The following EDARADD variants were observed in gnomAD, a reference collection of about 807,000 sequenced individuals.
EDARADD encodes the protein EDAR associated via death domain.
EDARADD carries 20 observed loss-of-function variants against 25.6 expected under a neutral mutation model. The ratio of observed to expected loss-of-function variants is 0.78; its 90% CI spans 0.55 to 1.14. The LOEUF (loss-of-function observed/expected upper bound fraction) is 1.14. Ranked by LOEUF, EDARADD falls within the 50% of genes most tolerant of loss-of-function variation. The pLI, the probability that EDARADD is intolerant of heterozygous loss-of-function variation, is 0.00. For missense variants in EDARADD, 225 were observed against 270.1 expected, an observed-to-expected ratio of 0.83 and a Z score of 1.17; for synonymous variants, 86 against 94.4, an observed-to-expected ratio of 0.91 and a Z score of 0.52.
chr1:236,411,951 G>A (rs1163145081), intron 2 of EDARADD, among the ~76,000 whole-genome samples: 2 of 152,128 alleles, frequency 1.3e-5, no homozygotes, highest in Admixed American at 6.6e-5. Flanking sequence ...TCCAAATAAA[G>A]TCATATTCTG....
intron 3 of EDARADD, among the ~76,000 whole-genome samples, chr1:236,364,467 A>C (rs961463546): frequency 3.4e-4 from 52 of 152,350 alleles, no homozygotes; most frequent in African/African-American, 1.1e-3. Context: ...ATTACTTTGA[A>C]TAGATAGATC....
intron 1 of EDARADD, among the ~76,000 whole-genome samples, chr1:236,408,844 C>T (rs1448528291): frequency 4.6e-5 from 7 of 152,022 alleles, no homozygotes; most frequent in African/African-American, 1.7e-4. Context: ...ACCTCCGACT[C>T]CTGGGCTCAA....
At chr1:236,400,764 G>A (rs374400771) in intron 1 of EDARADD, among the ~76,000 whole-genome samples, 1 of 136,738 alleles carries the variant, frequency 7.3e-6, no homozygotes, top group African/African-American at 2.7e-5. Flanking sequence ...ATGGGGTCTC[G>A]CCATATTGCC....
chr1:236,468,170 T>C, intron 4 of EDARADD, 61 bp from the exon 5 acceptor site: 1 of 1,524,752 alleles, frequency 6.6e-7, no homozygotes, highest in Non-Finnish European at 9.1e-7. Flanking sequence ...GTTGGAAGAT[T>C]GATAATATCT....
At chr1:236,433,240 A>G (rs1658154272) in intron 4 of EDARADD, among the ~76,000 whole-genome samples, 1 of 149,970 alleles carries the variant, frequency 6.7e-6, no homozygotes, top group Non-Finnish European at 1.5e-5. Flanking sequence ...TCCTTTGTAC[A>G]TTTTTGTATG....
chr1:236,482,580 G>A lies in EDARADD; in HGVS notation c.579G>A (p.Lys193=). The A allele has an allele frequency of 1.9e-6, 3 of 1,613,360 alleles. No homozygotes were observed. The highest frequency in any genetic ancestry group is 2.5e-6 in the Non-Finnish European group (3 of 1,180,018). Residue 193 remains lysine (K), a synonymous_variant, in exon 6 of 6, where the codon AAG becomes AAA. Transcript: ENST00000334232. The stretch of plus-strand genomic sequence containing the variant: ...TCTACCACAGGGCCGACGTGGAGAA[G>A]GTTCTGCGCAGGTGGGTGGACGAGG... The part of the protein sequence containing the change: ...CRLYHRADVE[K]VLRRWVDEEW...
chr1:236,396,083 CCT>C (rs1306299939), intron 1 of EDARADD, among the ~76,000 whole-genome samples: 1 of 152,188 alleles, frequency 6.6e-6, no homozygotes, highest in African/African-American at 2.4e-5. Context: ...TACTCCTCTT[CCT>C]CTCTCCCATT....
intron 5 of EDARADD, among the ~76,000 whole-genome samples, chr1:236,478,359 ATGTGTG>A (rs35531700): frequency 9.7e-5 from 14 of 144,762 alleles, no homozygotes; most frequent in African/African-American, 2.6e-4. Context: ...CCATATATAT[ATGTGTG>A]TGTGTGTGTG....
In EDARADD at chr1:236,374,844, T is replaced by C. The variant is rs185723705; in HGVS notation, c.-6+24005T>C. 3.4e-3 allele frequency among the ~76,000 whole-genome samples: 440 copies of C among 127,900 alleles called. 2 individuals carry two copies. Among genetic ancestry groups the C allele is most frequent in the Non-Finnish European group, 5.8e-3 (339 of 58,806 alleles). The allele number at this position is 127,900 out of a possible 152,430, so 83.9% of individuals were successfully genotyped here. ...GAACAACATCTAGTTGGGTCTTTTT[T>C]TGATCCACTCTAACAATCTCTTTTA... On this transcript the variant is annotated intron_variant, in intron 3 of 7. Coordinates refer to the EDARADD transcript ENST00000439430.
Position 236,395,631 on chromosome 1 carries a change from T to G in EDARADD, c.61+1126T>G. ...CTCGTTTGCCCCTAACCCGCCGCCATGGCTTCACCGGACGACCCTCTGCGC... is the reference window on the plus strand; with the variant it reads ...CTCGTTTGCCCCTAACCCGCCGCCAGGGCTTCACCGGACGACCCTCTGCGC... On this transcript the variant is annotated intron_variant, in intron 1 of 5. Transcript: ENST00000334232. The surrounding 1 kb of genome is among the most constrained non-coding windows in gnomAD (Gnocchi z 6.9). The G allele has an allele frequency of 6.4e-7, 1 of 1,573,742 alleles. No individual in the cohort carries two copies.
Position 236,395,787 on chromosome 1 carries a change from A to T in EDARADD, c.61+1282A>T, listed in dbSNP as rs1667505023. ...GGCGACCCCCGAGGGAGGCCCGGGA[A>T]CCACCCCCGACCCAGGCGCCAGACC... is the stretch of plus-strand genomic sequence containing the variant. On this transcript the variant is annotated intron_variant, in intron 1 of 5. Coordinates refer to ENST00000334232, the MANE Select transcript of EDARADD (RefSeq NM_145861.4). The surrounding 1 kb of genome is among the most constrained non-coding windows in gnomAD (Gnocchi z 6.9). The T allele has an allele frequency of 2.3e-6, 2 of 877,118 alleles. No individual in the cohort carries two copies. The highest frequency in any genetic ancestry group is 3.2e-6 in the Non-Finnish European group (2 of 619,704). 54.3% of individuals were successfully genotyped at this position (877,118 alleles called of 1,614,324 possible).
rs5781887 is a variant in EDARADD at position 236,458,641 on chromosome 1, CTTTTTTT to C, written c.220-9577_220-9571del. 6.5e-3 allele frequency among the ~76,000 whole-genome samples: 739 copies of C among 113,542 alleles called. 7 individuals are homozygous for C. The highest frequency in any genetic ancestry group is 0.022 in the African/African-American group (679 of 30,408). The allele number at this position is 113,542 out of a possible 152,430, so 74.5% of individuals were successfully genotyped here. A position where few individuals can be genotyped will look rare whatever the true frequency, so the allele number is the denominator to read the frequency against. On this transcript the variant is annotated intron_variant, in intron 4 of 5. Transcript: ENST00000334232. ...TGTGTTTTTGGTATTTTTTCTTTTTCTTTTTTTTTTTTTTTTTTTGAGACGGAGTTTC... is the reference window on the plus strand; with the variant it reads ...TGTGTTTTTGGTATTTTTTCTTTTTCTTTTTTTTTTTTGAGACGGAGTTTC...
chr1:236,413,869 A>G (rs891712475), intron 2 of EDARADD, among the ~76,000 whole-genome samples: 1 of 152,226 alleles, frequency 6.6e-6, no homozygotes, highest in Admixed American at 6.5e-5. Flanking sequence ...TGCCCAGAAC[A>G]CATGCTTATT....
intron 4 of EDARADD, among the ~76,000 whole-genome samples, chr1:236,467,420 A>ACG (rs1483781291): frequency 4.3e-5 from 4 of 92,146 alleles, no homozygotes; most frequent in East Asian, 5.2e-4. Flanking sequence ...GGAAGCACAC[A>ACG]CACGCGCACA....
intron 3 of EDARADD, among the ~76,000 whole-genome samples, chr1:236,368,324 T>C (rs1316484836): frequency 2.0e-5 from 3 of 152,202 alleles, no homozygotes; most frequent in African/African-American, 7.2e-5. Flanking sequence ...GTAGAAATCT[T>C]TACTTCAGCC....
At chr1:236,415,286 G>T (rs1323372570) in intron 3 of EDARADD, among the ~76,000 whole-genome samples, 2 of 152,244 alleles carry the variant, frequency 1.3e-5, no homozygotes, top group East Asian at 1.9e-4. Context: ...CTAGACAAAG[G>T]GGTGAGGGAT....
chr1:236,414,658 GC>G (rs1270755519), intron 3 of EDARADD, among the ~76,000 whole-genome samples: 7 of 152,100 alleles, frequency 4.6e-5, no homozygotes, highest in African/African-American at 1.7e-4. Context: ...AACTGGCCAG[GC>G]GCGGTGGCTC....
intron 1 of EDARADD, among the ~76,000 whole-genome samples, chr1:236,396,825 G>A (rs1051822125): frequency 1.3e-5 from 2 of 151,852 alleles, no homozygotes; most frequent in African/African-American, 2.4e-5. Context: ...AACAAAGGGA[G>A]AAACCCTCCT....
chr1:236,419,347 C>A (rs1351096520), intron 3 of EDARADD, among the ~76,000 whole-genome samples: 1 of 152,142 alleles, frequency 6.6e-6, no homozygotes, highest in Non-Finnish European at 1.5e-5. Context: ...TGAGCTATAG[C>A]TATAATTGCA....
Sources: gnomAD v4.1 joint callset for allele counts (sites outside exome capture counted in the v4.1 genomes callset) on GRCh38, gnomAD v4.1.1 for gene constraint, Gnocchi (gnomAD v3.1) non-coding constraint, MANE v1.5 for transcripts, NCBI Gene and HGNC (gene_info 2026-07-23, HGNC 2026-07-21) for gene names.